The following TIRAP variants were observed in gnomAD, a reference collection of about 807,000 sequenced individuals.
TIRAP encodes TIR domain containing adaptor protein.
TIRAP carries 20 observed loss-of-function variants against 19.8 expected under a neutral mutation model. The observed-to-expected ratio is 1.01, with a 90% confidence interval of 0.71 to 1.47. The LOEUF is 1.47. TIRAP is among the 40% of genes most tolerant of loss of function. The pLI is 0.00. For missense variants in TIRAP, 276 were observed against 285.1 expected (o/e 0.97, Z 0.23); for synonymous variants, 125 against 121.7 (o/e 1.03, Z -0.18).
chr11:126,284,988 C>T (rs1445226768), intron 1 of TIRAP, among the ~76,000 whole-genome samples: 1 of 152,084 alleles, frequency 6.6e-6, no homozygotes, highest in Non-Finnish European at 1.5e-5. Flanking sequence ...CCCATCCCTG[C>T]ACACTCTTAC....
Position 126,290,958 on chromosome 11 carries a change from G to A in TIRAP, c.64G>A (p.Ala22Thr), listed in dbSNP as rs373866119. The part of the protein sequence containing the change: ...SRPKKPLGKM[A>T]DWFRQTLLKK... ...GCCTAAGAAGCCTCTAGGCAAGATG[G>A]CTGGTGAGTGGAACCGGACTCGCGA... The change falls in exon 3 of 5, where the codon GCT becomes ACT. Residue 22 changes from alanine (A) to threonine (T), a missense_variant. Physicochemically the swap from Ala to Thr is moderately conservative, Grantham distance 58 (BLOSUM62 0). Coordinates refer to ENST00000392679, the MANE Select transcript of TIRAP (RefSeq NM_001318777.2). This position sits in a 1 kb window ranked among gnomAD's most constrained non-coding sequence, Gnocchi z 4.9. 3 of 1,604,296 alleles carry A rather than the reference G, an allele frequency of 1.9e-6. No individual in the cohort carries two copies. Among genetic ancestry groups the A allele is most frequent in the African/African-American group, 1.3e-5 (1 of 74,900 alleles).
At chr11:126,284,454 A>G (rs1220788150) in intron 1 of TIRAP, among the ~76,000 whole-genome samples, 3 of 151,952 alleles carry the variant, frequency 2.0e-5, no homozygotes, top group African/African-American at 7.3e-5. Flanking sequence ...CTAGACCACA[A>G]TTTATTTATC....
At position 126,288,907 on chromosome 11, in the gene TIRAP, T is replaced by A. The variant is rs774908644; in HGVS notation, c.-216-1555T>A. ...ATTAAAACAGAATTGAAAAAATATT[T>A]AAAAAATGCAAAAACCAAGTGACAT... On this transcript the variant is annotated intron_variant, in intron 1 of 4. Coordinates refer to ENST00000392679, the MANE Select transcript of TIRAP (RefSeq NM_001318777.2). The surrounding 1 kb of genome is among the most constrained non-coding windows in gnomAD (Gnocchi z 5.0). Among the ~76,000 whole-genome samples, 2 of 152,072 alleles carry A rather than the reference T, an allele frequency of 1.3e-5. No homozygotes were observed. Among genetic ancestry groups the A allele is most frequent in the Non-Finnish European group, 2.9e-5 (2 of 68,024 alleles).
intron 1 of TIRAP, chr11:126,289,583 C>A: frequency 1.1e-6 from 1 of 930,468 alleles, no homozygotes; most frequent in Non-Finnish European, 1.3e-6. Context: ...TGGCCACATT[C>A]TTTAAATTTT....
intron 1 of TIRAP, among the ~76,000 whole-genome samples, chr11:126,285,243 G>GTGTGTGTGTA: frequency 1.4e-4 from 15 of 106,974 alleles, no homozygotes; most frequent in African/African-American, 4.3e-4. Context: ...GTGTGTGTGT[G>GTGTGTGTGTA]TATATATATA....
Sources: allele counts gnomAD v4.1 joint callset (sites outside exome capture counted in the v4.1 genomes callset), GRCh38; gene constraint gnomAD v4.1.1; non-coding constraint Gnocchi (gnomAD v3.1); transcripts MANE v1.5; gene names NCBI Gene and HGNC (gene_info 2026-07-23, HGNC 2026-07-21).